Variants in SH3GL2 observed in about 807,000 individuals in gnomAD.
The protein encoded by SH3GL2 is endophilin-A1.
In SH3GL2, 24 loss-of-function variants were observed where a neutral mutation model predicts 46.0. That is an observed-to-expected ratio of 0.52 (90% CI 0.38 to 0.73). SH3GL2 has a LOEUF of 0.73. Ranked by LOEUF, SH3GL2 falls within the 30% of genes least tolerant of loss-of-function variation. The pLI is 0.00. For missense variants in SH3GL2, 413 were observed against 424.2 expected, an observed-to-expected ratio of 0.97 and a Z score of 0.23; for synonymous variants, 196 against 147.1, an observed-to-expected ratio of 1.33 and a Z score of -2.40.
chr9:17,758,128 T>G (rs984161389), intron 2 of SH3GL2, among the ~76,000 whole-genome samples: 2 of 152,200 alleles, frequency 1.3e-5, no homozygotes, highest in African/African-American at 4.8e-5. Flanking sequence ...ACTACTTTTC[T>G]CCTCATAACA....
At chr9:17,677,216 A>G (rs1820634681) in intron 1 of SH3GL2, among the ~76,000 whole-genome samples, 1 of 152,172 alleles carries the variant, frequency 6.6e-6, no homozygotes, top group Non-Finnish European at 1.5e-5. Flanking sequence ...ATTGAAGCAA[A>G]CGTGGAACTC....
rs73412771 is a variant in SH3GL2 at position 17,745,073 on chromosome 9, T to C, written c.46-1993T>C. Among the ~76,000 whole-genome samples the C allele has an allele frequency of 4.5e-3, 690 of 152,280 alleles. 4 individuals are homozygous for C. The highest frequency in any genetic ancestry group is 0.016 in the African/African-American group (665 of 41,552). On this transcript the variant is annotated intron_variant, in intron 1 of 8. Transcript: ENST00000380607. ...GCTTCTAATTCTTCCTAGCTAAAGA[T>C]GTCTACTATACACAAGTATCGGACT... is the stretch of plus-strand genomic sequence containing the variant.
chr9:17,736,645 T>C (rs1822342431), intron 1 of SH3GL2, among the ~76,000 whole-genome samples: 1 of 152,164 alleles, frequency 6.6e-6, no homozygotes, highest in Admixed American at 6.6e-5. Context: ...GAACTGACTA[T>C]ACTGAGGTGT....
chr9:17,579,236 C>A lies in SH3GL2; in HGVS notation c.-7C>A, dbSNP rs1419337928. On this transcript the variant is annotated 5_prime_UTR_variant, in exon 1 of 9. The change creates a new upstream start codon in the 5' untranslated region. Transcript: ENST00000380607. ...GCACAGCAGCCGCCAGCGCGGCCTCCTGCACCATGTCGGTGGCCGGCCTCA... is the reference window on the plus strand; with the variant it reads ...GCACAGCAGCCGCCAGCGCGGCCTCATGCACCATGTCGGTGGCCGGCCTCA... 2 of 1,558,256 alleles carry A rather than the reference C, an allele frequency of 1.3e-6. No homozygotes were observed. The highest frequency in any genetic ancestry group is 2.6e-5 in the East Asian group (1 of 38,694).
At chr9:17,703,505 A>C (rs1288342766) in intron 1 of SH3GL2, among the ~76,000 whole-genome samples, 1 of 151,966 alleles carries the variant, frequency 6.6e-6, no homozygotes, top group African/African-American at 2.4e-5. Flanking sequence ...AAAAAAGAAA[A>C]ACATCAGTCC....
At chr9:17,594,012 C>T (rs963312229) in intron 1 of SH3GL2, among the ~76,000 whole-genome samples, 2 of 152,126 alleles carry the variant, frequency 1.3e-5, no homozygotes, top group African/African-American at 4.8e-5. Context: ...TTCTGACGTT[C>T]TGTGCTTCTG....
intron 1 of SH3GL2, among the ~76,000 whole-genome samples, chr9:17,738,875 G>A (rs1294134836): frequency 1.3e-5 from 2 of 151,956 alleles, no homozygotes; most frequent in Non-Finnish European, 2.9e-5. Flanking sequence ...CATTATGAAG[G>A]ATAATCTTCT....
intron 1 of SH3GL2, among the ~76,000 whole-genome samples, chr9:17,622,591 C>T (rs1024971652): frequency 6.7e-6 from 1 of 149,754 alleles, no homozygotes; most frequent in Non-Finnish European, 1.5e-5. Context: ...CTACAAAGAC[C>T]AAAAAAAAAG....
chr9:17,738,611 T>A (rs1822424115), intron 1 of SH3GL2, among the ~76,000 whole-genome samples: 1 of 119,842 alleles, frequency 8.3e-6, no homozygotes, highest in African/African-American at 3.2e-5. Flanking sequence ...TTTCAAGGAA[T>A]TGCCTCATGT....
At chr9:17,774,012 C>G (rs1367331664) in intron 3 of SH3GL2, among the ~76,000 whole-genome samples, 2 of 151,812 alleles carry the variant, frequency 1.3e-5, no homozygotes, top group Non-Finnish European at 2.9e-5. Flanking sequence ...AGTCTTTTAC[C>G]TCCTTGGTTA....
chr9:17,580,899 C>G (rs1053047907), intron 1 of SH3GL2, among the ~76,000 whole-genome samples: 3 of 152,176 alleles, frequency 2.0e-5, no homozygotes, highest in African/African-American at 4.8e-5. Context: ...TTAGTGCCCT[C>G]AAAGGCAATT....
intron 1 of SH3GL2, among the ~76,000 whole-genome samples, chr9:17,745,078 A>G (rs911634736): frequency 6.6e-6 from 1 of 152,198 alleles, no homozygotes; most frequent in Non-Finnish European, 1.5e-5. Flanking sequence ...AAAGATGTCT[A>G]CTATACACAA....
intron 1 of SH3GL2, among the ~76,000 whole-genome samples, chr9:17,594,775 A>C (rs528677881): frequency 6.6e-6 from 1 of 152,186 alleles, no homozygotes; most frequent in South Asian, 2.1e-4. Flanking sequence ...CTGCCATTCT[A>C]TACTTCATTC....
intron 1 of SH3GL2, among the ~76,000 whole-genome samples, chr9:17,583,329 A>T (rs1450584909): frequency 6.6e-6 from 1 of 152,144 alleles, no homozygotes; most frequent in African/African-American, 2.4e-5. Context: ...AGTATTAAGA[A>T]ATGGGGCCTT....
rs535114021 is a variant in SH3GL2 at position 17,759,982 on chromosome 9, C to G, written c.115-1455C>G. Among the ~76,000 whole-genome samples the G allele has an allele frequency of 2.7e-4, 41 of 152,226 alleles. 1 individual carries two copies. The South Asian group carries it at 8.1e-3, about 30-fold the overall frequency. On this transcript the variant is annotated intron_variant, in intron 2 of 8. Transcript: ENST00000380607. The stretch of plus-strand genomic sequence containing the variant: ...TTTGATCCATTTCCCTGGCATAAGA[C>G]ATTCTATGACTTGAGTACATAGTGG...
In SH3GL2 at chr9:17,712,060, A is replaced by G. The variant is rs537974361; in HGVS notation, c.46-35006A>G. Among the ~76,000 whole-genome samples, 3 of 151,890 alleles carry G rather than the reference A, an allele frequency of 2.0e-5. No individual in the cohort carries two copies. The South Asian group carries it at 6.2e-4, about 32-fold the overall frequency. ...GTTTTTAATTGGCATTTCCTTAATGACCAATGATGTTGAGCGTCTTTTTAT... is the reference window on the plus strand; with the variant it reads ...GTTTTTAATTGGCATTTCCTTAATGGCCAATGATGTTGAGCGTCTTTTTAT... On this transcript the variant is annotated intron_variant, in intron 1 of 8. Coordinates refer to ENST00000380607, the MANE Select transcript of SH3GL2 (RefSeq NM_003026.5).
In SH3GL2 at chr9:17,700,934, C is replaced by T. The variant is rs149743728; in HGVS notation, c.46-46132C>T. Among the ~76,000 whole-genome samples, 276 of 152,264 alleles carry T rather than the reference C, an allele frequency of 1.8e-3. 2 individuals are homozygous for T. Among genetic ancestry groups the T allele is most frequent in the African/African-American group, 6.2e-3 (259 of 41,564 alleles). ...AGTAGCAGAAGAACTCATCTCAAAG[C>T]CTGTCTTAGAGAGGTGGATGGACCT... On this transcript the variant is annotated intron_variant, in intron 1 of 8. Coordinates refer to ENST00000380607, the MANE Select transcript of SH3GL2 (RefSeq NM_003026.5).
intron 1 of SH3GL2, among the ~76,000 whole-genome samples, chr9:17,688,363 A>T (rs1820980777): frequency 1.3e-5 from 2 of 152,112 alleles, no homozygotes; most frequent in South Asian, 4.1e-4. Context: ...TGGGATGGAA[A>T]ATGGGTGAAA....
At chr9:17,766,846 C>A (rs1033784834) in intron 3 of SH3GL2, among the ~76,000 whole-genome samples, 3 of 151,986 alleles carry the variant, frequency 2.0e-5, no homozygotes, top group Admixed American at 2.0e-4. Flanking sequence ...TTCATGTTTA[C>A]CTCCTTGGTT....
Sources: gnomAD v4.1 joint callset for allele counts (sites outside exome capture counted in the v4.1 genomes callset) on GRCh38, gnomAD v4.1.1 for gene constraint, MANE v1.5 for transcripts, NCBI Gene and HGNC (gene_info 2026-07-23, HGNC 2026-07-21) for gene names.